SLC25A26: variants seen among roughly 807,000 people sequenced by gnomAD.
The protein encoded by SLC25A26 is solute carrier family 25 member 26.
SLC25A26 carries 36 observed loss-of-function variants against 37.8 expected under a neutral mutation model. The observed-to-expected ratio is 0.95, with a 90% confidence interval of 0.73 to 1.26. The LOEUF is 1.26. Among genes scored for constraint, SLC25A26 ranks in the 50% most tolerant of loss-of-function variants. SLC25A26 has a pLI of 0.00. For synonymous variants in SLC25A26, 129 were observed against 122.5 expected, an observed-to-expected ratio of 1.05 and a Z score of -0.35; for missense variants, 390 against 331.1, an observed-to-expected ratio of 1.18 and a Z score of -1.38.
At chr3:66,145,595 T>A (rs997657439) in intron 1 of SLC25A26, among the ~76,000 whole-genome samples, 3 of 152,250 alleles carry the variant, frequency 2.0e-5, no homozygotes, top group East Asian at 1.9e-4. Flanking sequence ...TTGTTTTTTT[T>A]TAAATACTAA....
chr3:66,193,185 T>C (rs2070978646), intron 1 of SLC25A26, among the ~76,000 whole-genome samples: 1 of 152,162 alleles, frequency 6.6e-6, no homozygotes, highest in South Asian at 2.1e-4. Flanking sequence ...AGTTTAAAAC[T>C]TTAAATTATT....
intron 5 of SLC25A26, among the ~76,000 whole-genome samples, chr3:66,292,802 TC>T (rs2074760124): frequency 6.6e-6 from 1 of 152,168 alleles, no homozygotes; most frequent in South Asian, 2.1e-4. Flanking sequence ...AGTGGTGTTC[TC>T]TGAATTTCCT....
Position 66,235,382 on chromosome 3 carries a change from G to T in SLC25A26, c.34-1162G>T, listed in dbSNP as rs142282411. 0.014 allele frequency among the ~76,000 whole-genome samples: 2,138 copies of T among 152,244 alleles called. 160 individuals are homozygous for T. The East Asian group carries it at 0.2, about 14-fold the overall frequency. ...GAAATTAATCAGTTTTTAAAGTACAGCTTCCCCAAAGCAACATGGTATCTC... is the reference window on the plus strand; with the variant it reads ...GAAATTAATCAGTTTTTAAAGTACATCTTCCCCAAAGCAACATGGTATCTC... On this transcript the variant is annotated intron_variant, in intron 1 of 9. Coordinates refer to ENST00000354883, the MANE Select transcript of SLC25A26 (RefSeq NM_001379210.1).
intron 1 of SLC25A26, among the ~76,000 whole-genome samples, chr3:66,138,762 T>C (rs2069989394): frequency 6.6e-6 from 1 of 152,108 alleles, no homozygotes; most frequent in African/African-American, 2.4e-5. Context: ...TGGGAGGTCC[T>C]GGATACGGGC....
chr3:66,184,213 C>A lies in SLC25A26; in HGVS notation c.-353-36529C>A, dbSNP rs367664324. On this transcript the variant is annotated intron_variant, in intron 1 of 10. Transcript: ENST00000676754. Reference sequence around the variant, plus strand: ...ACCCTCACTCTGAATTTGTCCCTAACCCAAAACCTGTCTCTGACACTGACT... The same window carrying A: ...ACCCTCACTCTGAATTTGTCCCTAAACCAAAACCTGTCTCTGACACTGACT... Among the ~76,000 whole-genome samples, 269 of 152,154 alleles carry A rather than the reference C, an allele frequency of 1.8e-3. 1 individual carries two copies. Among genetic ancestry groups the A allele is most frequent in the African/African-American group, 6.2e-3 (259 of 41,524 alleles).
intron 6 of SLC25A26, among the ~76,000 whole-genome samples, chr3:66,346,821 T>C (rs2076336860): frequency 1.3e-5 from 2 of 151,022 alleles, no homozygotes; most frequent in African/African-American, 2.4e-5. Context: ...AAGCCTTGAA[T>C]ACTTGAAGAC....
chr3:66,375,689 C>T (rs1700608347), intron 9 of SLC25A26, among the ~76,000 whole-genome samples: 1 of 152,140 alleles, frequency 6.6e-6, no homozygotes, highest in Admixed American at 6.5e-5. Context: ...ACCTAGTGCT[C>T]AGAGGAAAAG....
intron 1 of SLC25A26, among the ~76,000 whole-genome samples, chr3:66,162,467 C>T (rs144000090): frequency 6.6e-6 from 1 of 151,674 alleles, no homozygotes; most frequent in African/African-American, 2.4e-5. Context: ...CCAAAGCACC[C>T]ATGTATCAAG....
At chr3:66,179,768 CT>C (rs1437590351) in intron 1 of SLC25A26, among the ~76,000 whole-genome samples, 1 of 151,784 alleles carries the variant, frequency 6.6e-6, no homozygotes, top group African/African-American at 2.4e-5. Flanking sequence ...CATTTGCAAA[CT>C]AAATCCAGAG....
intron 6 of SLC25A26, among the ~76,000 whole-genome samples, chr3:66,362,210 G>C (rs1169433941): frequency 6.6e-6 from 1 of 152,122 alleles, no homozygotes; most frequent in East Asian, 1.9e-4. Context: ...AGAAATGAAA[G>C]CATGTATACA....
At chr3:66,208,768 GTA>G (rs1212980240) in intron 1 of SLC25A26, among the ~76,000 whole-genome samples, 73 of 48,394 alleles carry the variant, frequency 1.5e-3, no homozygotes, top group African/African-American at 3.2e-3. Flanking sequence ...TTATATGGGT[GTA>G]TATATATATA....
intron 5 of SLC25A26, among the ~76,000 whole-genome samples, chr3:66,334,890 A>C (rs1170596922): frequency 6.6e-6 from 1 of 151,594 alleles, no homozygotes; most frequent in East Asian, 1.9e-4. Context: ...AATCTGGTTT[A>C]ATTTCTTGTT....
At chr3:66,371,729 T>G (rs767871666) in intron 9 of SLC25A26, among the ~76,000 whole-genome samples, 9 of 152,102 alleles carry the variant, frequency 5.9e-5, no homozygotes, top group South Asian at 2.1e-4. Flanking sequence ...TTAATTCTGC[T>G]GCCAGTTCCA....
chr3:66,297,378 A>T (rs1159387197), intron 5 of SLC25A26, among the ~76,000 whole-genome samples: 1 of 151,078 alleles, frequency 6.6e-6, no homozygotes, highest in Non-Finnish European at 1.5e-5. Context: ...TAGAACTGAG[A>T]TGCTCTTTTG....
chr3:66,176,176 T>A (rs1225675482), intron 1 of SLC25A26, among the ~76,000 whole-genome samples: 1 of 152,218 alleles, frequency 6.6e-6, no homozygotes, highest in Non-Finnish European at 1.5e-5. Context: ...TAGTGTTTCA[T>A]TGTATGTTTG....
intron 7 of SLC25A26, among the ~76,000 whole-genome samples, chr3:66,367,414 G>A (rs2076846770): frequency 6.6e-6 from 1 of 152,128 alleles, no homozygotes; most frequent in African/African-American, 2.4e-5. Flanking sequence ...CCTGTAGCAT[G>A]GGGATGTAAG....
At chr3:66,147,613 A>G (rs1179322953) in intron 1 of SLC25A26, among the ~76,000 whole-genome samples, 1 of 152,132 alleles carries the variant, frequency 6.6e-6, no homozygotes, top group East Asian at 1.9e-4. Context: ...TAGTAGTGGG[A>G]TTGCTGGATC....
chr3:66,378,774 A>T lies in SLC25A26; in HGVS notation c.*967A>T, dbSNP rs1278344058. ...TTAAAGGCAGAATGACTGCGTTTGT[A>T]AAAGAAGGACCACCAACTATACTGA... is the stretch of plus-strand genomic sequence containing the variant. On this transcript the variant is annotated 3_prime_UTR_variant, in exon 10 of 10. Transcript: ENST00000354883. The T allele has an allele frequency of 1.3e-5, 2 of 152,584 alleles. No homozygotes were observed. Among genetic ancestry groups the T allele is most frequent in the Non-Finnish European group, 2.9e-5 (2 of 68,020 alleles). The allele number at this position is 152,584 out of a possible 1,614,324, so 9.5% of individuals were successfully genotyped here.
At chr3:66,253,378 G>A (rs1320012972) in intron 3 of SLC25A26, among the ~76,000 whole-genome samples, 1 of 151,288 alleles carries the variant, frequency 6.6e-6, no homozygotes, top group Admixed American at 6.6e-5. Flanking sequence ...CTCCAGCCTG[G>A]GTGACAGAGT....
Sources: allele counts gnomAD v4.1 joint callset (sites outside exome capture counted in the v4.1 genomes callset), GRCh38; gene constraint gnomAD v4.1.1; transcripts MANE v1.5; gene names NCBI Gene and HGNC (gene_info 2026-07-23, HGNC 2026-07-21).